ZNF487: variants seen among roughly 807,000 people sequenced by gnomAD.
The protein encoded by ZNF487 is zinc finger protein 487, also known as KRAB domain only 1.
A neutral mutation model predicts 3.0 loss-of-function variants in ZNF487; 4 were observed. The ratio of observed to expected loss-of-function variants is 1.35; its 90% CI spans 0.66 to 3.08. The LOEUF is 3.08. Ranked by LOEUF, ZNF487 falls within the 30% of genes most tolerant of loss-of-function variation. The pLI, the probability that ZNF487 is intolerant of heterozygous loss-of-function variation, is 0.01. For missense variants in ZNF487, 146 were observed against 98.7 expected (o/e 1.48, Z -2.03); for synonymous variants, 55 against 34.6 (o/e 1.59, Z -2.06).
chr10:43,508,889 G>C, the ZNF487 span, among the ~76,000 whole-genome samples: 1 of 150,454 alleles, frequency 6.6e-6, no homozygotes, highest in African/African-American at 2.4e-5. Context: ...AGTTAATGTG[G>C]CCAATGTAAA....
the ZNF487 span, among the ~76,000 whole-genome samples, chr10:43,511,918 T>C: frequency 6.6e-6 from 1 of 152,118 alleles, no homozygotes; most frequent in Non-Finnish European, 1.5e-5. Flanking sequence ...CCCAAGTTTG[T>C]CACCAATTTT....
At chr10:43,502,681 T>G in the ZNF487 span, among the ~76,000 whole-genome samples, 1 of 152,186 alleles carries the variant, frequency 6.6e-6, no homozygotes, top group Non-Finnish European at 1.5e-5. Flanking sequence ...TGTTACTGGT[T>G]TATGTATTTA....
At chr10:43,440,762 C>G (rs1839571462) in intron 1 of ZNF487, among the ~76,000 whole-genome samples, 2 of 151,760 alleles carry the variant, frequency 1.3e-5, no homozygotes, top group Admixed American at 1.3e-4. Flanking sequence ...TAACCACTGT[C>G]TTCAACTTTA....
chr10:43,462,178 T>C (rs1353082000), intron 1 of ZNF487, among the ~76,000 whole-genome samples: 2 of 152,116 alleles, frequency 1.3e-5, no homozygotes, highest in South Asian at 4.1e-4. Flanking sequence ...TGAGATGGAG[T>C]CTTGCTCTGT....
At chr10:43,465,014 C>T (rs575430837) in intron 1 of ZNF487, among the ~76,000 whole-genome samples, 18 of 141,468 alleles carry the variant, frequency 1.3e-4, no homozygotes, top group African/African-American at 5.5e-4. Context: ...CCCCCACCTC[C>T]CTCCCGGACG....
At chr10:43,514,366 C>A in the ZNF487 span, among the ~76,000 whole-genome samples, 3 of 152,170 alleles carry the variant, frequency 2.0e-5, no homozygotes, top group Non-Finnish European at 4.4e-5. Context: ...GTCTTGAACT[C>A]CTGAGCTCAG....
intron 1 of ZNF487, among the ~76,000 whole-genome samples, chr10:43,473,902 G>A (rs147750822): frequency 1.3e-5 from 2 of 152,024 alleles, no homozygotes; most frequent in Non-Finnish European, 2.9e-5. Flanking sequence ...ACTTATTCCT[G>A]TAATTGCAGT....
chr10:43,476,987 T>C (rs755707812), intron 3 of ZNF487, among the ~76,000 whole-genome samples: 4 of 152,110 alleles, frequency 2.6e-5, no homozygotes, highest in African/African-American at 4.8e-5. Context: ...ATTAACTGGA[T>C]GGGAGAAAAT....
intron 1 of ZNF487, among the ~76,000 whole-genome samples, chr10:43,472,833 A>G (rs1181282923): frequency 1.2e-4 from 19 of 152,078 alleles, no homozygotes; most frequent in Admixed American, 1.2e-3. Flanking sequence ...TATAATTTAT[A>G]AAGGATTTAT....
chr10:43,465,018 C>T (rs1374267764), intron 1 of ZNF487, among the ~76,000 whole-genome samples: 1 of 140,064 alleles, frequency 7.1e-6, no homozygotes, highest in African/African-American at 3.1e-5. Context: ...CACCTCCCTC[C>T]CGGACGGGGC....
intron 3 of ZNF487, among the ~76,000 whole-genome samples, chr10:43,481,157 C>A (rs1285622744): frequency 6.6e-6 from 1 of 151,766 alleles, no homozygotes; most frequent in African/African-American, 2.4e-5. Flanking sequence ...GCAAAAAACT[C>A]CATCTCTACA....
At chr10:43,522,319 C>T in the ZNF487 span, among the ~76,000 whole-genome samples, 1 of 152,084 alleles carries the variant, frequency 6.6e-6, no homozygotes, top group Non-Finnish European at 1.5e-5. Flanking sequence ...GAGTTTGAGA[C>T]CAGCCTGGCC....
At chr10:43,513,188 A>G in the ZNF487 span, among the ~76,000 whole-genome samples, 1 of 152,258 alleles carries the variant, frequency 6.6e-6, no homozygotes, top group Non-Finnish European at 1.5e-5. Context: ...TCCGAATAAG[A>G]TTATGACACA....
At chr10:43,440,412 T>C (rs2132028595) in intron 1 of ZNF487, among the ~76,000 whole-genome samples, 1 of 151,874 alleles carries the variant, frequency 6.6e-6, no homozygotes, top group East Asian at 2.0e-4. Flanking sequence ...ATCCCAGCAC[T>C]TTGGGAGTCC....
the ZNF487 span, among the ~76,000 whole-genome samples, chr10:43,521,906 A>G: frequency 1.0e-5 from 1 of 95,726 alleles, no homozygotes; most frequent in Non-Finnish European, 2.1e-5. Context: ...GTAAAGGATG[A>G]CTTTATATAT....
intron 1 of ZNF487, among the ~76,000 whole-genome samples, chr10:43,467,391 G>A (rs886453882): frequency 1.3e-5 from 2 of 151,330 alleles, no homozygotes; most frequent in African/African-American, 4.9e-5. Context: ...TTTTAGTAGA[G>A]ACAGGGTTTC....
rs965911387 is a variant in ZNF487 at position 43,482,662 on chromosome 10, A to T, written c.*740A>T. Reference sequence around the variant, plus strand: ...AGAATACATACTGGCGAGAAACCCTATGAGTGTAAGGAATGTGGGAAAACT... The same window carrying T: ...AGAATACATACTGGCGAGAAACCCTTTGAGTGTAAGGAATGTGGGAAAACT... On this transcript the variant is annotated 3_prime_UTR_variant, in exon 4 of 4. Coordinates refer to ENST00000437590, the MANE Select transcript of ZNF487 (RefSeq NM_001355444.3). The T allele has an allele frequency of 1.8e-5, 9 of 490,282 alleles. No individual in the cohort carries two copies. The Admixed American group carries it at 2.0e-4, about 11-fold the overall frequency. The allele number at this position is 490,282 out of a possible 1,614,324, so 30.4% of individuals were successfully genotyped here. A position where few individuals can be genotyped will look rare whatever the true frequency, so the allele number is the denominator to read the frequency against.
At chr10:43,470,773 C>T (rs1405204708) in intron 1 of ZNF487, among the ~76,000 whole-genome samples, 1 of 152,150 alleles carries the variant, frequency 6.6e-6, no homozygotes, top group Non-Finnish European at 1.5e-5. Context: ...CCTACCTTGA[C>T]CTCCCAAAGT....
chr10:43,484,632 A>G (rs1459317452), downstream of ZNF487, among the ~76,000 whole-genome samples: 1 of 152,218 alleles, frequency 6.6e-6, no homozygotes, highest in Non-Finnish European at 1.5e-5. Flanking sequence ...TGATTTCTTT[A>G]TTCCTTTGCA....
Sources: gnomAD v4.1 joint callset for allele counts (sites outside exome capture counted in the v4.1 genomes callset) on GRCh38, gnomAD v4.1.1 for gene constraint, MANE v1.5 for transcripts, NCBI Gene and HGNC (gene_info 2026-07-23, HGNC 2026-07-21) for gene names.